Variants in C12orf42 observed in about 807,000 individuals in gnomAD.
C12orf42 encodes the protein uncharacterized protein C12orf42.
A neutral mutation model predicts 21.6 loss-of-function variants in C12orf42; 25 were observed. The ratio of observed to expected loss-of-function variants is 1.16; its 90% confidence interval spans 0.84 to 1.62. The LOEUF (loss-of-function observed/expected upper bound fraction) is 1.62. C12orf42 is among the 40% of genes most tolerant of loss of function. The pLI is 0.00. For missense variants in C12orf42, 483 were observed against 459.3 expected, an observed-to-expected ratio of 1.05 and a Z score of -0.47; for synonymous variants, 174 against 175.0, an observed-to-expected ratio of 0.99 and a Z score of 0.05.
chr12:103,061,479 G>A, the C12orf42 span, among the ~76,000 whole-genome samples: 1 of 150,750 alleles, frequency 6.6e-6, no homozygotes, highest in Non-Finnish European at 1.5e-5. Context: ...AAGTATGTTA[G>A]TATCCCATCA....
the C12orf42 span, among the ~76,000 whole-genome samples, chr12:103,212,130 G>A: frequency 1.3e-5 from 2 of 151,958 alleles, no homozygotes; most frequent in Non-Finnish European, 2.9e-5. Context: ...TTTCCACAAA[G>A]ATAACCATGT....
At chr12:103,211,684 GA>G in the C12orf42 span, among the ~76,000 whole-genome samples, 3 of 152,138 alleles carry the variant, frequency 2.0e-5, no homozygotes, top group Non-Finnish European at 4.4e-5. Context: ...GCAATCTAGT[GA>G]AAGACCCAGC....
At chr12:103,096,186 A>C in the C12orf42 span, among the ~76,000 whole-genome samples, 1 of 152,240 alleles carries the variant, frequency 6.6e-6, no homozygotes, top group South Asian at 2.1e-4. Flanking sequence ...ATCAGGTGCC[A>C]TCTGAAAGTG....
At chr12:103,478,098 C>A in intron 2 of C12orf42, 1 of 377,622 alleles carries the variant, frequency 2.6e-6, no homozygotes, top group Non-Finnish European at 4.7e-6. Flanking sequence ...ATAGCAAAGA[C>A]AACACATTTC....
At chr12:103,224,990 G>A in the C12orf42 span, among the ~76,000 whole-genome samples, 1 of 152,196 alleles carries the variant, frequency 6.6e-6, no homozygotes, top group Admixed American at 6.5e-5. Context: ...ATAGGTAACA[G>A]ATGAGGATGA....
chr12:103,554,659 C>T, the C12orf42 span, among the ~76,000 whole-genome samples: 2 of 151,754 alleles, frequency 1.3e-5, no homozygotes, highest in African/African-American at 4.8e-5. Context: ...AGAAAACTTA[C>T]AATTATGGCA....
intron 2 of C12orf42, among the ~76,000 whole-genome samples, chr12:103,469,550 G>C (rs904115540): frequency 1.3e-5 from 2 of 152,146 alleles, no homozygotes; most frequent in African/African-American, 4.8e-5. Flanking sequence ...TGCACTGTAA[G>C]TTATAAAATG....
the C12orf42 span, among the ~76,000 whole-genome samples, chr12:103,148,994 T>A: frequency 5.8e-3 from 891 of 152,308 alleles, 12 homozygotes; most frequent in African/African-American, 0.021. Flanking sequence ...GACTAGTCAG[T>A]GTATAATCCT....
chr12:103,115,520 AATTT>A, the C12orf42 span, among the ~76,000 whole-genome samples: 94 of 152,372 alleles, frequency 6.2e-4, no homozygotes, highest in African/African-American at 2.1e-3. Flanking sequence ...AGAAGGTAGT[AATTT>A]ATTTATCCAT....
chr12:103,229,957 C>T, the C12orf42 span, among the ~76,000 whole-genome samples: 2 of 152,054 alleles, frequency 1.3e-5, no homozygotes, highest in Non-Finnish European at 2.9e-5. Context: ...TGAAGTTTGC[C>T]AGAGTTCATG....
the C12orf42 span, among the ~76,000 whole-genome samples, chr12:103,547,637 C>T: frequency 2.3e-4 from 35 of 152,330 alleles, no homozygotes; most frequent in African/African-American, 7.9e-4. Flanking sequence ...GCTTCAGGGG[C>T]TGAAAGAACG....
At chr12:103,553,471 G>C in the C12orf42 span, among the ~76,000 whole-genome samples, 1 of 152,104 alleles carries the variant, frequency 6.6e-6, no homozygotes, top group Non-Finnish European at 1.5e-5. Context: ...TTCCAGAAAA[G>C]ATTTTTCCCA....
chr12:103,176,459 G>A, the C12orf42 span, among the ~76,000 whole-genome samples: 2 of 152,062 alleles, frequency 1.3e-5, no homozygotes, highest in African/African-American at 4.8e-5. Flanking sequence ...TGCACATAAG[G>A]GTTTATCGGA....
At chr12:103,120,092 T>C in the C12orf42 span, among the ~76,000 whole-genome samples, 3 of 152,224 alleles carry the variant, frequency 2.0e-5, no homozygotes, top group African/African-American at 4.8e-5. Flanking sequence ...ACTTAACTTA[T>C]GAATAATCTT....
chr12:103,092,579 CTATT>C, the C12orf42 span, among the ~76,000 whole-genome samples: 1 of 152,134 alleles, frequency 6.6e-6, no homozygotes, highest in Admixed American at 6.6e-5. Flanking sequence ...TCTAAGAATG[CTATT>C]TATTTATTGA....
intron 2 of C12orf42, among the ~76,000 whole-genome samples, chr12:103,446,742 A>C (rs1951599767): frequency 6.6e-6 from 1 of 152,070 alleles, no homozygotes; most frequent in Non-Finnish European, 1.5e-5. Context: ...ACTTTAAAGC[A>C]ACAACAGTTT....
chr12:103,128,286 A>G, the C12orf42 span, among the ~76,000 whole-genome samples: 1 of 152,144 alleles, frequency 6.6e-6, no homozygotes, highest in South Asian at 2.1e-4. Flanking sequence ...GGAAGAAAGA[A>G]GAAAAGGCTA....
chr12:103,299,550 A>G (rs1042236963), downstream of C12orf42, among the ~76,000 whole-genome samples: 13 of 152,174 alleles, frequency 8.5e-5, no homozygotes, highest in Admixed American at 2.6e-4. Flanking sequence ...AGTGTGTGGT[A>G]ATACAACATA....
chr12:103,069,929 G>C, the C12orf42 span, among the ~76,000 whole-genome samples: 1 of 152,208 alleles, frequency 6.6e-6, no homozygotes, highest in African/African-American at 2.4e-5. Context: ...TCAAGGCAGA[G>C]TGCAGAAATA....
Sources: allele counts gnomAD v4.1 joint callset (sites outside exome capture counted in the v4.1 genomes callset), GRCh38; gene constraint gnomAD v4.1.1; transcripts MANE v1.5; gene names NCBI Gene and HGNC (gene_info 2026-07-23, HGNC 2026-07-21).